KCNC2: variants seen among roughly 807,000 people sequenced by gnomAD.
KCNC2 encodes voltage-gated potassium channel KCNC2.
KCNC2 carries 21 observed loss-of-function variants against 44.5 expected under a neutral mutation model. The observed-to-expected ratio is 0.47, with a 90% CI of 0.33 to 0.68. The LOEUF (loss-of-function observed/expected upper bound fraction) is 0.68, where lower values mean the gene tolerates loss of function less well. KCNC2 is among the 30% of genes least tolerant of loss of function. KCNC2 has a pLI of 0.01. For missense variants in KCNC2, 589 were observed against 826.2 expected (o/e 0.71, Z 3.52); for synonymous variants, 391 against 339.1 (o/e 1.15, Z -1.68).
chr12:75,078,564 C>A (rs1192135536), intron 2 of KCNC2, among the ~76,000 whole-genome samples: 4 of 152,098 alleles, frequency 2.6e-5, no homozygotes, highest in African/African-American at 9.7e-5. Flanking sequence ...CTGTTCTAAG[C>A]TGTGTACATG....
chr12:75,118,976 CTACACCT>C (rs1397980664), intron 2 of KCNC2, among the ~76,000 whole-genome samples: 1 of 152,154 alleles, frequency 6.6e-6, no homozygotes, highest in Non-Finnish European at 1.5e-5. Context: ...AGTATGATGC[CTACACCT>C]TACTTTTGAT....
At position 75,052,334 on chromosome 12, in the gene KCNC2, C is replaced by T. The variant is rs575500583; in HGVS notation, c.688-1017G>A. 2.0e-5 allele frequency among the ~76,000 whole-genome samples: 3 copies of T among 152,224 alleles called. No individual in the cohort carries two copies. The South Asian group carries it at 6.2e-4, about 32-fold the overall frequency. ...AAATTTAGCTGCAGATTCTGTTCCC[C>T]TCACTTACCAAACTCTCAAATGCAG... On this transcript the variant is annotated intron_variant, in intron 2 of 4. Transcript: ENST00000549446.
At chr12:75,044,730 C>T (rs921538813) in intron 4 of KCNC2, 1 of 151,916 alleles carries the variant, frequency 6.6e-6, no homozygotes, top group African/African-American at 2.4e-5. Flanking sequence ...CACACATTAA[C>T]CTTCAGCAGA....
At chr12:75,208,313 C>T (rs2031876160) in intron 1 of KCNC2, among the ~76,000 whole-genome samples, 1 of 152,062 alleles carries the variant, frequency 6.6e-6, no homozygotes, top group Non-Finnish European at 1.5e-5. Flanking sequence ...TTTCACCTTC[C>T]ACTCTTCCTC....
chr12:75,061,540 G>A (rs1288017517), intron 2 of KCNC2, among the ~76,000 whole-genome samples: 1 of 148,478 alleles, frequency 6.7e-6, no homozygotes, highest in African/African-American at 2.5e-5. Context: ...ACAAACTACT[G>A]GGTGCTGAGA....
Position 75,041,848 on chromosome 12 carries a change from CAA to C in KCNC2, c.*1255_*1256del. On this transcript the variant is annotated 3_prime_UTR_variant, in exon 5 of 5. Transcript: ENST00000549446. ...AAAGCAGAGAGGCTGCTCCAAATAG[CAA>C]AAAATGGTATGGAGTCGGGTTTGGA... is the stretch of plus-strand genomic sequence containing the variant. 2.0e-6 allele frequency: 2 copies of C among 988,450 alleles called. No individual in the cohort carries two copies. The highest frequency in any genetic ancestry group is 2.4e-6 in the Non-Finnish European group (2 of 832,194). The allele number at this position is 988,450 out of a possible 1,614,324, so 61.2% of individuals were successfully genotyped here.
intron 2 of KCNC2, among the ~76,000 whole-genome samples, chr12:75,162,170 A>C (rs1891162808): frequency 6.6e-6 from 1 of 151,748 alleles, no homozygotes; most frequent in Admixed American, 6.6e-5. Flanking sequence ...CAAGTCTTCC[A>C]TTGAGCCAGG....
intron 2 of KCNC2, among the ~76,000 whole-genome samples, chr12:75,094,162 A>G (rs1009953706): frequency 6.6e-6 from 1 of 151,758 alleles, no homozygotes; most frequent in African/African-American, 2.4e-5. Flanking sequence ...GAGTAAAGTT[A>G]AATATGATTC....
chr12:75,046,797 T>C (rs925655379), intron 4 of KCNC2, among the ~76,000 whole-genome samples: 2 of 151,808 alleles, frequency 1.3e-5, no homozygotes, highest in Admixed American at 1.3e-4. Flanking sequence ...ATGGAAGTAA[T>C]TGGAATGGAG....
chr12:75,161,427 G>T (rs1891118389), intron 2 of KCNC2, among the ~76,000 whole-genome samples: 1 of 151,636 alleles, frequency 6.6e-6, no homozygotes. Flanking sequence ...TCTGTCAAAT[G>T]TTGCACTCTG....
chr12:75,057,636 G>A (rs1433820352), intron 2 of KCNC2, among the ~76,000 whole-genome samples: 1 of 151,448 alleles, frequency 6.6e-6, no homozygotes, highest in African/African-American at 2.4e-5. Context: ...ATATATAAAT[G>A]TGTGTATATA....
At chr12:75,109,313 A>T in intron 2 of KCNC2, among the ~76,000 whole-genome samples, 1 of 152,218 alleles carries the variant, frequency 6.6e-6, no homozygotes, top group East Asian at 1.9e-4. Flanking sequence ...GTTTTAAGAC[A>T]GTAACCAAAG....
At chr12:75,101,074 C>T (rs1886334929) in intron 2 of KCNC2, among the ~76,000 whole-genome samples, 1 of 152,026 alleles carries the variant, frequency 6.6e-6, no homozygotes, top group Admixed American at 6.6e-5. Context: ...GACTCACTTG[C>T]CATTTTGGAC....
At chr12:75,068,009 T>A (rs961267728) in intron 2 of KCNC2, among the ~76,000 whole-genome samples, 1 of 152,196 alleles carries the variant, frequency 6.6e-6, no homozygotes, top group African/African-American at 2.4e-5. Flanking sequence ...GCAAAGATAC[T>A]GTGAAAACAA....
At chr12:75,056,018 C>T (rs73357068) in intron 2 of KCNC2, among the ~76,000 whole-genome samples, 183 of 152,118 alleles carry the variant, frequency 1.2e-3, no homozygotes, top group Non-Finnish European at 2.0e-3. Flanking sequence ...GTGCTACTCT[C>T]GCCCAGGATC....
At chr12:75,184,143 T>G in intron 2 of KCNC2, among the ~76,000 whole-genome samples, 1 of 152,184 alleles carries the variant, frequency 6.6e-6, no homozygotes, top group East Asian at 1.9e-4. Context: ...ATTATAACAC[T>G]TATATTTGAT....
At chr12:75,090,303 A>AT (rs1331836401) in intron 2 of KCNC2, among the ~76,000 whole-genome samples, 7 of 151,620 alleles carry the variant, frequency 4.6e-5, no homozygotes, top group Non-Finnish European at 4.4e-5. Flanking sequence ...TCAAAATCAT[A>AT]TTTTTTTACT....
At chr12:75,055,788 A>G (rs12308605) in intron 2 of KCNC2, among the ~76,000 whole-genome samples, 4,515 of 152,072 alleles carry the variant, frequency 0.03, 174 homozygotes, top group African/African-American at 0.09. Flanking sequence ...CAGGATCTCC[A>G]TGGAGGGTCT....
intron 2 of KCNC2, among the ~76,000 whole-genome samples, chr12:75,168,364 T>G (rs1891593510): frequency 6.6e-6 from 1 of 151,452 alleles, no homozygotes; most frequent in Non-Finnish European, 1.5e-5. Context: ...ATCCCAGCCC[T>G]ATTTTGAAAA....
Sources: gnomAD v4.1 joint callset for allele counts (sites outside exome capture counted in the v4.1 genomes callset) on GRCh38, gnomAD v4.1.1 for gene constraint, MANE v1.5 for transcripts, NCBI Gene and HGNC (gene_info 2026-07-23, HGNC 2026-07-21) for gene names.